Variants in CPEB1 observed in about 807,000 individuals in gnomAD.
CPEB1 encodes cytoplasmic polyadenylation element-binding protein 1.
Under a neutral mutation model 65.8 loss-of-function variants are expected in CPEB1, and 7 were observed. That is an observed-to-expected ratio of 0.11 (90% CI 0.06 to 0.20). CPEB1 has a LOEUF of 0.20. CPEB1 is among the 10% of genes least tolerant of loss of function. CPEB1 has a pLI of 1.00. For missense variants in CPEB1, 551 were observed against 712.2 expected (o/e 0.77, Z 2.58); for synonymous variants, 262 against 260.0 (o/e 1.01, Z -0.08).
intron 3 of CPEB1, among the ~76,000 whole-genome samples, chr15:82,616,801 T>C (rs2044758405): frequency 6.6e-6 from 1 of 152,150 alleles, no homozygotes; most frequent in South Asian, 2.1e-4. Flanking sequence ...AGCAAATATA[T>C]GCATTTAAAT....
At chr15:82,610,476 G>A (rs2044022598) in intron 3 of CPEB1, among the ~76,000 whole-genome samples, 1 of 151,806 alleles carries the variant, frequency 6.6e-6, no homozygotes, top group African/African-American at 2.4e-5. Context: ...TACACACTAT[G>A]ACCAAATGGG....
intron 3 of CPEB1, among the ~76,000 whole-genome samples, chr15:82,587,017 C>A (rs2041859018): frequency 1.3e-5 from 2 of 152,006 alleles, no homozygotes. Context: ...TTGCCACCCC[C>A]TAGTTGTAAA....
intron 3 of CPEB1, among the ~76,000 whole-genome samples, chr15:82,622,415 A>G (rs958654604): frequency 6.6e-6 from 1 of 151,924 alleles, no homozygotes; most frequent in Non-Finnish European, 1.5e-5. Flanking sequence ...GCCCCGCCAC[A>G]TCTCTCTCCA....
intron 3 of CPEB1, among the ~76,000 whole-genome samples, chr15:82,603,563 C>T (rs1036284592): frequency 6.6e-6 from 1 of 150,988 alleles, no homozygotes; most frequent in Non-Finnish European, 1.5e-5. Flanking sequence ...GCCCTAAGCT[C>T]TCTCTCCTGG....
At chr15:82,589,947 T>C (rs535483139) in intron 3 of CPEB1, among the ~76,000 whole-genome samples, 40 of 152,278 alleles carry the variant, frequency 2.6e-4, no homozygotes, top group African/African-American at 7.7e-4. Flanking sequence ...ATGGGTTAGA[T>C]GCAAATACTG....
intron 3 of CPEB1, among the ~76,000 whole-genome samples, chr15:82,576,856 G>A (rs890425053): frequency 6.6e-6 from 1 of 152,030 alleles, no homozygotes; most frequent in Non-Finnish European, 1.5e-5. Flanking sequence ...AACCCCGTCT[G>A]TAATAAAAAT....
At chr15:82,604,066 A>G (rs551902782) in intron 3 of CPEB1, among the ~76,000 whole-genome samples, 10 of 152,358 alleles carry the variant, frequency 6.6e-5, no homozygotes, top group African/African-American at 2.2e-4. Flanking sequence ...AAAGGATACC[A>G]TATCTGGCTG....
upstream of CPEB1, chr15:82,647,707 C>G: frequency 1.7e-6 from 1 of 603,520 alleles, no homozygotes. Context: ...GGCCCCACGC[C>G]CGCGGGCACG....
intron 12 of CPEB1, 69 bp downstream of exon 12, chr15:82,546,372 G>C: frequency 7.8e-7 from 1 of 1,275,020 alleles, no homozygotes; most frequent in African/African-American, 1.5e-5. Flanking sequence ...TGGGATTACA[G>C]GTGTGAACCA....
At chr15:82,605,129 A>AT (rs889829388) in intron 3 of CPEB1, among the ~76,000 whole-genome samples, 16 of 152,206 alleles carry the variant, frequency 1.1e-4, no homozygotes, top group Admixed American at 6.5e-4. Context: ...TCAACCAAGA[A>AT]TTTTTTATCA....
At chr15:82,607,371 T>A (rs956296102) in intron 3 of CPEB1, among the ~76,000 whole-genome samples, 1 of 152,144 alleles carries the variant, frequency 6.6e-6, no homozygotes, top group Admixed American at 6.5e-5. Flanking sequence ...GTGGATCACC[T>A]GAGGTCAGGA....
At position 82,569,882 on chromosome 15, in the gene CPEB1, G is replaced by C. The variant is rs570703796; in HGVS notation, c.460+1462C>G. Among the ~76,000 whole-genome samples the C allele has an allele frequency of 7.9e-5, 12 of 152,300 alleles. No homozygotes were observed. In the South Asian group the frequency reaches 2.5e-3, roughly 32 times the overall value. On this transcript the variant is annotated intron_variant, in intron 4 of 12. Coordinates refer to ENST00000684509, the MANE Select transcript of CPEB1 (RefSeq NM_001365242.1). ...CTCAGATACGGTGGAAGTGAGGACA[G>C]GGGAGGCTGGCTTCATAGGCCCCCA...
At chr15:82,648,029 C>G (rs1230330693), upstream of CPEB1, 2 of 487,154 alleles carry the variant, frequency 4.1e-6, no homozygotes, top group Non-Finnish European at 3.2e-6. Flanking sequence ...AGCCGCCCCC[C>G]GGCCGGATGC....
intron 4 of CPEB1, among the ~76,000 whole-genome samples, chr15:82,560,493 G>A (rs756485570): frequency 6.7e-6 from 1 of 150,286 alleles, no homozygotes; most frequent in Non-Finnish European, 1.5e-5. Flanking sequence ...GGGCTCAAGC[G>A]ATCTTCCCAC....
At chr15:82,575,484 C>T (rs1278208692) in intron 3 of CPEB1, among the ~76,000 whole-genome samples, 5 of 152,002 alleles carry the variant, frequency 3.3e-5, no homozygotes, top group South Asian at 2.1e-4. Flanking sequence ...CTTATCACAA[C>T]GAAAAACTTC....
chr15:82,560,182 A>G (rs1322313268), intron 4 of CPEB1, among the ~76,000 whole-genome samples: 1 of 152,198 alleles, frequency 6.6e-6, no homozygotes, highest in Non-Finnish European at 1.5e-5. Context: ...GATTTTATTC[A>G]AGGTTCCACC....
chr15:82,645,727 G>C (rs773702011), intron 1 of CPEB1, among the ~76,000 whole-genome samples: 3 of 152,108 alleles, frequency 2.0e-5, no homozygotes, highest in African/African-American at 7.2e-5. Flanking sequence ...AATCAGCCGC[G>C]CGTGGTGGCA....
At chr15:82,615,684 T>C (rs1021413268) in intron 3 of CPEB1, among the ~76,000 whole-genome samples, 4 of 152,176 alleles carry the variant, frequency 2.6e-5, no homozygotes, top group East Asian at 1.9e-4. Context: ...AACTGGAATT[T>C]TGAAGTATGA....
At chr15:82,568,721 A>T (rs2039547200) in intron 4 of CPEB1, among the ~76,000 whole-genome samples, 3 of 152,252 alleles carry the variant, frequency 2.0e-5, no homozygotes, top group African/African-American at 7.2e-5. Flanking sequence ...GAAAGCCCCT[A>T]TCATAGCAGA....
Sources: gnomAD v4.1 joint callset for allele counts (sites outside exome capture counted in the v4.1 genomes callset) on GRCh38, gnomAD v4.1.1 for gene constraint, MANE v1.5 for transcripts, NCBI Gene and HGNC (gene_info 2026-07-23, HGNC 2026-07-21) for gene names.